The following BMP7 variants were observed in gnomAD, a reference collection of about 807,000 sequenced individuals.
BMP7 encodes the protein osteogenic protein 1.
Under a neutral mutation model 41.2 loss-of-function variants are expected in BMP7, and 12 were observed. The observed-to-expected ratio is 0.29, with a 90% CI of 0.19 to 0.47. BMP7 has a LOEUF of 0.47. BMP7 is among the 20% of genes least tolerant of loss of function. The probability of loss-of-function intolerance (pLI) is 0.99; values close to 1 mark genes in which losing one functional copy is unlikely to be tolerated. For missense variants in BMP7, 467 were observed against 606.0 expected, an observed-to-expected ratio of 0.77 and a Z score of 2.41; for synonymous variants, 248 against 250.0, an observed-to-expected ratio of 0.99 and a Z score of 0.07.
At chr20:57,251,932 T>C (rs2066115524) in intron 1 of BMP7, among the ~76,000 whole-genome samples, 1 of 152,132 alleles carries the variant, frequency 6.6e-6, no homozygotes, top group Non-Finnish European at 1.5e-5. Flanking sequence ...AGGCTCTGTC[T>C]CAAAAAAACA....
At chr20:57,255,447 G>A (rs1418478921) in intron 1 of BMP7, among the ~76,000 whole-genome samples, 1 of 152,140 alleles carries the variant, frequency 6.6e-6, no homozygotes, top group Non-Finnish European at 1.5e-5. Context: ...AGATGATGAA[G>A]GGGTCTCTGA....
chr20:57,251,598 C>A (rs139566915), intron 1 of BMP7, among the ~76,000 whole-genome samples: 60 of 152,276 alleles, frequency 3.9e-4, no homozygotes, highest in Non-Finnish European at 6.2e-4. Flanking sequence ...GGAAGTGTGG[C>A]TGAGTCACTG....
At chr20:57,216,015 G>C (rs1345384952) in intron 2 of BMP7, 2 of 152,160 alleles carry the variant, frequency 1.3e-5, no homozygotes, top group African/African-American at 4.8e-5. Context: ...TTTGCAGACA[G>C]AAACAAGTGA....
At position 57,218,916 on chromosome 20, in the gene BMP7, A is replaced by AGCTG. The variant is rs1985111168; in HGVS notation, c.611+9312_611+9313insCAGC. On this transcript the variant is annotated intron_variant, in intron 2 of 6. Coordinates refer to ENST00000395863, the MANE Select transcript of BMP7 (RefSeq NM_001719.3). ...TGGTAGCTGGTGTTTGGTGGTAGCT[A>AGCTG]GTGTTTGTTCAGTGGTAGCTGGTGT... Among the ~76,000 whole-genome samples the AGCTG allele has an allele frequency of 2.9e-5, 4 of 140,260 alleles. 1 individual carries two copies. Among genetic ancestry groups the AGCTG allele is most frequent in the Non-Finnish European group, 4.7e-5 (3 of 63,898 alleles). The allele number at this position is 140,260 out of a possible 152,430, so 92.0% of individuals were successfully genotyped here. A position where few individuals can be genotyped will look rare whatever the true frequency, so the allele number is the denominator to read the frequency against.
chr20:57,200,321 C>T (rs1216345211), intron 3 of BMP7, among the ~76,000 whole-genome samples: 4 of 152,218 alleles, frequency 2.6e-5, no homozygotes, highest in African/African-American at 9.6e-5. Context: ...GGATTTGAAC[C>T]TGGGGAGCCT....
chr20:57,171,153 T>C lies in BMP7; in HGVS notation c.1147-45A>G. 6.2e-7 allele frequency: 1 copy of C among 1,612,894 alleles called. No homozygotes were observed. Among genetic ancestry groups the C allele is most frequent in the Non-Finnish European group, 8.5e-7 (1 of 1,179,324 alleles). On this transcript the variant is annotated intron_variant, in intron 6 of 6. Coordinates refer to ENST00000395863, the MANE Select transcript of BMP7 (RefSeq NM_001719.3). The surrounding 1 kb of genome is among the most constrained non-coding windows in gnomAD (Gnocchi z 4.5). ...ATGGGCAGTGGTGAGAAGCGGTGAG[T>C]CGTTCTAACTGGCCTCCACGTTTCT...
At chr20:57,183,579 T>G in intron 4 of BMP7, 143 bp downstream of exon 4, 1 of 1,048,062 alleles carries the variant, frequency 9.5e-7, no homozygotes, top group Non-Finnish European at 1.4e-6. Context: ...AGGGGTGGAT[T>G]TGGGGGTTTT....
At chr20:57,219,132 C>CTGTTCGGTGGTAGCTGG (rs1555814942) in intron 2 of BMP7, among the ~76,000 whole-genome samples, 1 of 111,728 alleles carries the variant, frequency 9.0e-6, no homozygotes, top group African/African-American at 7.2e-5. Context: ...TCGGTGGTAG[C>CTGTTCGGTGGTAGCTGG]TGTTCGGTGG....
chr20:57,260,579 G>A (rs1323042375), intron 1 of BMP7, among the ~76,000 whole-genome samples: 3 of 152,190 alleles, frequency 2.0e-5, no homozygotes, highest in Non-Finnish European at 2.9e-5. Context: ...TGGCACCGGC[G>A]CATTTGATTT....
rs569834141 is a variant in BMP7, at chr20:57,256,691, G to A, written c.418+9014C>T. Among the ~76,000 whole-genome samples, 10 of 152,174 alleles carry A rather than the reference G, an allele frequency of 6.6e-5. No individual in the cohort carries two copies. The East Asian group carries it at 9.7e-4, about 15-fold the overall frequency. On this transcript the variant is annotated intron_variant, in intron 1 of 6. Transcript: ENST00000395863. ...TTGAGGCCAGCCTGGCCAACATGGC[G>A]AAACCCCATTTCTACTAAAAATAAA...
chr20:57,195,660 G>T (rs576937728), intron 3 of BMP7, among the ~76,000 whole-genome samples: 1 of 152,386 alleles, frequency 6.6e-6, no homozygotes, highest in Non-Finnish European at 1.5e-5. Context: ...CGCCGCAGGC[G>T]AGTGGCTCAC....
chr20:57,205,060 C>G (rs1158247944), intron 2 of BMP7, among the ~76,000 whole-genome samples: 1 of 152,176 alleles, frequency 6.6e-6, no homozygotes, highest in Non-Finnish European at 1.5e-5. Flanking sequence ...CAGAGGGCAG[C>G]CTTCACCAGA....
intron 3 of BMP7, among the ~76,000 whole-genome samples, chr20:57,185,724 G>A (rs1234327642): frequency 6.6e-6 from 1 of 152,234 alleles, no homozygotes; most frequent in Non-Finnish European, 1.5e-5. Flanking sequence ...TCAAAGCCCT[G>A]CCTCTGTCAC....
At chr20:57,191,931 T>A (rs1984369223) in intron 3 of BMP7, among the ~76,000 whole-genome samples, 2 of 131,470 alleles carry the variant, frequency 1.5e-5, no homozygotes, top group African/African-American at 2.9e-5. Flanking sequence ...ATATTTTCTA[T>A]TATAGTATAT....
At position 57,178,603 on chromosome 20, in the gene BMP7, C is replaced by T. The variant is rs531551670; in HGVS notation, c.959-3596G>A. ...TCTACAGCCTGCCCTCTAGAGCACA[C>T]GATGCCAAGCAGAAACCTAAGATGG... On this transcript the variant is annotated intron_variant, in intron 4 of 6. Coordinates refer to ENST00000395863, the MANE Select transcript of BMP7 (RefSeq NM_001719.3). Among the ~76,000 whole-genome samples the T allele has an allele frequency of 2.1e-3, 325 of 152,202 alleles. 3 individuals carry two copies. Among genetic ancestry groups the T allele is most frequent in the African/African-American group, 7.5e-3 (310 of 41,522 alleles).
rs544672199 is a variant in BMP7 at position 57,223,858 on chromosome 20, G to A, written c.611+4371C>T. On this transcript the variant is annotated intron_variant, in intron 2 of 6. Transcript: ENST00000395863. ...GCCCAGAGTCTTGCTACCAAGTCAT[G>A]AATCCGCACATCATAAGTTGCCACC... Among the ~76,000 whole-genome samples, 23 of 152,278 alleles carry A rather than the reference G, an allele frequency of 1.5e-4. No individual in the cohort carries two copies. In the South Asian group the frequency reaches 4.1e-3, roughly 27 times the overall value.
intron 2 of BMP7, among the ~76,000 whole-genome samples, chr20:57,218,634 A>AGTGGTAGCTGGTGTTTGTTCG (rs1568719037): frequency 7.2e-5 from 6 of 83,848 alleles, no homozygotes; most frequent in Non-Finnish European, 1.2e-4. Flanking sequence ...GTGTTTGTTC[A>AGTGGTAGCTGGTGTTTGTTCG]GTGGTAGCTG....
At position 57,234,763 on chromosome 20, in the gene BMP7, G is replaced by A. The variant is rs140167512; in HGVS notation, c.419-6342C>T. On this transcript the variant is annotated intron_variant, in intron 1 of 6. Transcript: ENST00000395863. ...CCTTGACTGAGCTCTGTAAGAACAG[G>A]GCCCATGACTGTCTCAGCTCTGGAT... Among the ~76,000 whole-genome samples, 8 of 152,318 alleles carry A rather than the reference G, an allele frequency of 5.3e-5. No individual in the cohort carries two copies. The East Asian group carries it at 1.5e-3, about 29-fold the overall frequency.
rs1207706674 is a variant in BMP7, at chr20:57,183,662, C to CCCGCCGGGGCCCTGCTGGGTT, written c.958+39_958+59dup. ...ATTTTGAGTCAGTCTCCTGCCGGGT[C>CCCGCCGGGGCCCTGCTGGGTT]CCGCCGGGGCCCTGCTGGGTTCCTG... On this transcript the variant is annotated intron_variant, in intron 4 of 6. Coordinates refer to ENST00000395863, the MANE Select transcript of BMP7 (RefSeq NM_001719.3). The CCCGCCGGGGCCCTGCTGGGTT allele has an allele frequency of 1.9e-6, 3 of 1,606,744 alleles. No individual in the cohort carries two copies. The African/African-American group carries it at 4.0e-5, about 21-fold the overall frequency.
Sources: gnomAD v4.1 joint callset for allele counts (sites outside exome capture counted in the v4.1 genomes callset) on GRCh38, gnomAD v4.1.1 for gene constraint, Gnocchi (gnomAD v3.1) non-coding constraint, MANE v1.5 for transcripts, NCBI Gene and HGNC (gene_info 2026-07-23, HGNC 2026-07-21) for gene names.